The following PRKCE variants were observed in gnomAD, a reference collection of about 807,000 sequenced individuals.
PRKCE encodes protein kinase C epsilon type.
A neutral mutation model predicts 85.4 loss-of-function variants in PRKCE; 16 were observed. That is an observed-to-expected ratio of 0.19 (90% CI 0.13 to 0.28). The LOEUF (loss-of-function observed/expected upper bound fraction) is 0.28, where lower values mean the gene tolerates loss of function less well. PRKCE is among the 10% of genes least tolerant of loss of function. The pLI, the probability that PRKCE is intolerant of heterozygous loss-of-function variation, is 1.00. For synonymous variants in PRKCE, 388 were observed against 371.5 expected (o/e 1.04, Z -0.51); for missense variants, 573 against 975.2 (o/e 0.59, Z 5.49).
intron 2 of PRKCE, among the ~76,000 whole-genome samples, chr2:45,902,310 T>C (rs1160326252): frequency 2.0e-5 from 3 of 152,100 alleles, no homozygotes; most frequent in Non-Finnish European, 4.4e-5. Context: ...GTGTAATACA[T>C]ACAGTAAACA....
chr2:46,103,121 A>C (rs1671394860), intron 11 of PRKCE, among the ~76,000 whole-genome samples: 2 of 151,956 alleles, frequency 1.3e-5, no homozygotes, highest in Non-Finnish European at 2.9e-5. Flanking sequence ...ATATGAACTC[A>C]TAGATAGTTA....
intron 1 of PRKCE, among the ~76,000 whole-genome samples, chr2:45,796,514 AT>A (rs1687448730): frequency 1.3e-5 from 2 of 152,186 alleles, no homozygotes; most frequent in African/African-American, 4.8e-5. Flanking sequence ...TATCACTAAA[AT>A]TGAACTTCTT....
intron 13 of PRKCE, among the ~76,000 whole-genome samples, chr2:46,152,769 G>A (rs1366832178): frequency 6.6e-6 from 1 of 151,770 alleles, no homozygotes; most frequent in Non-Finnish European, 1.5e-5. Flanking sequence ...GGCTGGTTCC[G>A]AACTCCTGAC....
At chr2:45,792,253 C>T (rs1228091121) in intron 1 of PRKCE, among the ~76,000 whole-genome samples, 1 of 152,126 alleles carries the variant, frequency 6.6e-6, no homozygotes. Flanking sequence ...TCCAGTCTCC[C>T]CAGAGCAAGA....
In PRKCE at chr2:46,007,457, C is replaced by T. The variant is rs542777084; in HGVS notation, c.1064-5C>T. 6.3e-7 allele frequency: 1 copy of T among 1,599,682 alleles called. No homozygotes were observed. Among genetic ancestry groups the T allele is most frequent in the African/African-American group, 1.3e-5 (1 of 75,036 alleles). On this transcript the variant is annotated splice_region_variant and splice_polypyrimidine_tract_variant and intron_variant, in intron 8 of 14. Coordinates refer to ENST00000306156, the MANE Select transcript of PRKCE (RefSeq NM_005400.3). ...AATGCAATTTCTTGTTCCCCTTGGC[C>T]CTAGAAATAAAAGAACTTGAGAACA...
At chr2:45,986,233 C>T (rs899411202) in intron 6 of PRKCE, among the ~76,000 whole-genome samples, 2 of 152,222 alleles carry the variant, frequency 1.3e-5, no homozygotes, top group African/African-American at 2.4e-5. Context: ...ACAAGGAGGT[C>T]ACTAGGAACC....
At chr2:45,700,065 A>G (rs1678494876) in intron 1 of PRKCE, among the ~76,000 whole-genome samples, 1 of 152,070 alleles carries the variant, frequency 6.6e-6, no homozygotes, top group Non-Finnish European at 1.5e-5. Flanking sequence ...GGCACGAGCC[A>G]CAAGATGAAC....
At chr2:46,059,943 G>A (rs956327589) in intron 10 of PRKCE, among the ~76,000 whole-genome samples, 1 of 152,152 alleles carries the variant, frequency 6.6e-6, no homozygotes, top group Non-Finnish European at 1.5e-5. Flanking sequence ...ACATTCTAGA[G>A]ATTATCCAGG....
intron 1 of PRKCE, among the ~76,000 whole-genome samples, chr2:45,761,312 G>A (rs924253025): frequency 2.4e-5 from 3 of 124,066 alleles, no homozygotes; most frequent in Admixed American, 9.5e-5. Context: ...GGGCGACAGA[G>A]CGAGACTCCA....
chr2:46,075,325 C>T lies in PRKCE; in HGVS notation c.1438-10883C>T, dbSNP rs1321104648. Among the ~76,000 whole-genome samples, 7 of 152,042 alleles carry T rather than the reference C, an allele frequency of 4.6e-5. No individual in the cohort carries two copies. In the East Asian group the frequency reaches 5.9e-4, roughly 13 times the overall value. Reference sequence around the variant, plus strand: ...TGCTGGGATTACAGGCGTGAGCCACCGTGCCCGGCCCGCTCAAAAATCTTA... The same window carrying T: ...TGCTGGGATTACAGGCGTGAGCCACTGTGCCCGGCCCGCTCAAAAATCTTA... On this transcript the variant is annotated intron_variant, in intron 10 of 14. Transcript: ENST00000306156.
Position 45,759,247 on chromosome 2 carries a change from C to T in PRKCE, c.349-83753C>T, listed in dbSNP as rs141107633. On this transcript the variant is annotated intron_variant, in intron 1 of 14. Transcript: ENST00000306156. ...AAGTGACAAATAAGTGGTATGTGGGCTCATGGTTTTAGTATGTCTTGAGCT... is the reference window on the plus strand; with the variant it reads ...AAGTGACAAATAAGTGGTATGTGGGTTCATGGTTTTAGTATGTCTTGAGCT... 5.3e-5 allele frequency among the ~76,000 whole-genome samples: 8 copies of T among 152,260 alleles called. No individual in the cohort carries two copies. The East Asian group carries it at 1.5e-3, about 29-fold the overall frequency.
chr2:45,990,424 T>C (rs1330619173), intron 6 of PRKCE, among the ~76,000 whole-genome samples: 2 of 152,144 alleles, frequency 1.3e-5, no homozygotes, highest in Admixed American at 1.3e-4. Context: ...GGGAGTTACA[T>C]AAAAGCATGA....
intron 1 of PRKCE, among the ~76,000 whole-genome samples, chr2:45,749,936 T>A (rs962845333): frequency 6.6e-6 from 1 of 152,204 alleles, no homozygotes; most frequent in Non-Finnish European, 1.5e-5. Flanking sequence ...AAGAACTGCA[T>A]AAAAGGATAA....
rs1360586646 is a variant in PRKCE, at chr2:45,744,397, TTCTC to T, written c.348+91953_348+91956del. 7.0e-4 allele frequency among the ~76,000 whole-genome samples: 106 copies of T among 151,764 alleles called. 1 individual carries two copies. Among genetic ancestry groups the T allele is most frequent in the African/African-American group, 2.4e-3 (100 of 41,230 alleles). On this transcript the variant is annotated intron_variant, in intron 1 of 14. Transcript: ENST00000306156. Reference sequence around the variant, plus strand: ...CTTTAAAAACCCAGTTGCCTGGTCTTTCTCTCTTTCTTTTCTTTTCTTTCTTTCT... The same window carrying T: ...CTTTAAAAACCCAGTTGCCTGGTCTTTCTTTCTTTTCTTTTCTTTCTTTCT...
chr2:46,010,648 G>T, intron 10 of PRKCE, 131 bp downstream of exon 10: 1 of 1,599,194 alleles, frequency 6.3e-7, no homozygotes, highest in East Asian at 2.2e-5. Context: ...CCCTTGAAAA[G>T]ATCAGGATGT....
At chr2:45,847,046 C>G (rs886972326) in intron 2 of PRKCE, among the ~76,000 whole-genome samples, 1 of 152,202 alleles carries the variant, frequency 6.6e-6, no homozygotes, top group African/African-American at 2.4e-5. Context: ...AGCCAGGTAC[C>G]AAAGAGGCGA....
At chr2:46,032,292 A>T (rs1461069397) in intron 10 of PRKCE, among the ~76,000 whole-genome samples, 1 of 152,026 alleles carries the variant, frequency 6.6e-6, no homozygotes, top group Non-Finnish European at 1.5e-5. Context: ...TGGAACTGAG[A>T]TCTTTCCAGA....
chr2:45,760,249 A>C (rs1339886685), intron 1 of PRKCE, among the ~76,000 whole-genome samples: 2 of 152,216 alleles, frequency 1.3e-5, no homozygotes, highest in Non-Finnish European at 2.9e-5. Context: ...CAATAAAATT[A>C]ACACACAAAT....
chr2:45,880,040 T>C lies in PRKCE; in HGVS notation c.412+36977T>C, dbSNP rs1169401658. 2.0e-5 allele frequency among the ~76,000 whole-genome samples: 3 copies of C among 150,856 alleles called. No individual in the cohort carries two copies. The East Asian group carries it at 5.9e-4, about 30-fold the overall frequency. ...ACCCTCTTTCCCTTACCCTTCCCAGTATCTAGCATCTTCTTTTCTACTTTT... is the reference window on the plus strand; with the variant it reads ...ACCCTCTTTCCCTTACCCTTCCCAGCATCTAGCATCTTCTTTTCTACTTTT... On this transcript the variant is annotated intron_variant, in intron 2 of 14. Coordinates refer to ENST00000306156, the MANE Select transcript of PRKCE (RefSeq NM_005400.3).
Sources: allele counts gnomAD v4.1 joint callset (sites outside exome capture counted in the v4.1 genomes callset), GRCh38; gene constraint gnomAD v4.1.1; transcripts MANE v1.5; gene names NCBI Gene and HGNC (gene_info 2026-07-23, HGNC 2026-07-21).